Variants in KIAA0232 observed in about 807,000 individuals in gnomAD.
The protein encoded by KIAA0232 is KIAA0232, also known as uncharacterized protein KIAA0232.
KIAA0232 carries 27 observed loss-of-function variants against 122.0 expected under a neutral mutation model. That is an observed-to-expected ratio of 0.22 (90% CI 0.16 to 0.31). The LOEUF is 0.31. KIAA0232 is among the 10% of genes least tolerant of loss of function. The pLI is 1.00. For synonymous variants in KIAA0232, 613 were observed against 587.6 expected (o/e 1.04, Z -0.63); for missense variants, 1,551 against 1,634.2 (o/e 0.95, Z 0.88).
intron 7 of KIAA0232, among the ~76,000 whole-genome samples, chr4:6,869,156 T>G (rs577196051): frequency 6.6e-6 from 1 of 152,278 alleles, no homozygotes; most frequent in African/African-American, 2.4e-5. Flanking sequence ...GCTCCCAGGT[T>G]CCTGGCCCCT....
At chr4:6,818,742 G>C (rs1189809743) in intron 2 of KIAA0232, among the ~76,000 whole-genome samples, 2 of 151,630 alleles carry the variant, frequency 1.3e-5, no homozygotes, top group African/African-American at 4.8e-5. Context: ...AATTCGTGTG[G>C]AACCAAAAAA....
chr4:6,786,769 C>G (rs988405351), intron 1 of KIAA0232, among the ~76,000 whole-genome samples: 1 of 152,190 alleles, frequency 6.6e-6, no homozygotes, highest in African/African-American at 2.4e-5. Flanking sequence ...AAACTGTCAT[C>G]TTTCCCATTT....
chr4:6,783,444 G>A (rs1365418713), intron 1 of KIAA0232, among the ~76,000 whole-genome samples: 1 of 152,204 alleles, frequency 6.6e-6, no homozygotes, highest in East Asian at 1.9e-4. Context: ...TTGATAGGAC[G>A]TAGAGCCCCG....
At chr4:6,860,349 G>C (rs1236287075) in intron 6 of KIAA0232, among the ~76,000 whole-genome samples, 1 of 152,192 alleles carries the variant, frequency 6.6e-6, no homozygotes, top group African/African-American at 2.4e-5. Context: ...GGCAGAGCCA[G>C]GATTTGACCT....
At chr4:6,866,908 T>G (rs1435539208) in intron 7 of KIAA0232, among the ~76,000 whole-genome samples, 1 of 152,212 alleles carries the variant, frequency 6.6e-6, no homozygotes, top group Admixed American at 6.5e-5. Flanking sequence ...TTTATTCATA[T>G]GGTTCAAATT....
At chr4:6,816,312 T>G (rs1330889497) in intron 2 of KIAA0232, among the ~76,000 whole-genome samples, 2 of 149,882 alleles carry the variant, frequency 1.3e-5, no homozygotes, top group Non-Finnish European at 3.0e-5. Context: ...AGACGGAGCC[T>G]CGCTCTGTTG....
intron 3 of KIAA0232, among the ~76,000 whole-genome samples, chr4:6,829,594 G>A (rs1718864392): frequency 6.6e-6 from 1 of 152,216 alleles, no homozygotes; most frequent in Non-Finnish European, 1.5e-5. Flanking sequence ...CAGTCTGCAA[G>A]CCAAACCTCG....
At chr4:6,825,414 G>A (rs773359923) in intron 3 of KIAA0232, among the ~76,000 whole-genome samples, 47 of 152,192 alleles carry the variant, frequency 3.1e-4, no homozygotes, top group Non-Finnish European at 5.9e-4. Flanking sequence ...GCCAGGCATG[G>A]TAGCATGTGC....
chr4:6,819,387 A>T (rs773390219), intron 2 of KIAA0232, among the ~76,000 whole-genome samples: 10 of 152,120 alleles, frequency 6.6e-5, no homozygotes, highest in African/African-American at 1.4e-4. Flanking sequence ...TCCAGAATCT[A>T]TTGGAAACTT....
intron 3 of KIAA0232, 59 bp from the exon 4 acceptor site, chr4:6,842,008 G>A (rs1719689472): frequency 1.9e-6 from 3 of 1,584,828 alleles, no homozygotes; most frequent in South Asian, 2.3e-5. Context: ...TGTGGTAGGT[G>A]GAACATAGTA....
chr4:6,788,967 C>CTTTTTTT (rs71646657), intron 1 of KIAA0232, among the ~76,000 whole-genome samples: 1 of 149,692 alleles, frequency 6.7e-6, no homozygotes. Flanking sequence ...CATTTTCTTT[C>CTTTTTTT]TTTTTTTTTT....
At chr4:6,785,421 T>C (rs1234338468) in intron 1 of KIAA0232, among the ~76,000 whole-genome samples, 1 of 152,208 alleles carries the variant, frequency 6.6e-6, no homozygotes, top group Non-Finnish European at 1.5e-5. Flanking sequence ...GACTTGGCAG[T>C]TAATGGCTTG....
At chr4:6,784,589 A>G (rs1175731923) in intron 1 of KIAA0232, among the ~76,000 whole-genome samples, 3 of 152,316 alleles carry the variant, frequency 2.0e-5, no homozygotes, top group Middle Eastern at 3.4e-3. Flanking sequence ...GTGCCTTTGC[A>G]TATCTATAGA....
intron 2 of KIAA0232, among the ~76,000 whole-genome samples, chr4:6,809,635 A>G (rs1255510714): frequency 1.8e-5 from 1 of 54,888 alleles, no homozygotes; most frequent in Non-Finnish European, 5.1e-5. Context: ...GAGGAGGTCA[A>G]ATTATATCCC....
At position 6,861,424 on chromosome 4, in the gene KIAA0232, A is replaced by G. The variant is rs370100944; in HGVS notation, c.1042A>G (p.Thr348Ala). Reference sequence around the variant, plus strand: ...TGAAAAGGCTGAAAGGAACATTCATACTGGAAGTAGTAGCAGTAGCAGCAG... The same window carrying G: ...TGAAAAGGCTGAAAGGAACATTCATGCTGGAAGTAGTAGCAGTAGCAGCAG... ...HGEKAERNIH[T>A]GSSSSSSSGS... The change falls in exon 7 of 10, where the codon ACT (threonine) becomes GCT (alanine). Residue 348 changes from threonine (T) to alanine (A), a missense_variant. Around this residue, in one of 5 missense-constraint regions of KIAA0232, gnomAD observed 377 missense variants for 381.7 expected, o/e 0.99. Transcript: ENST00000307659. 5.6e-6 allele frequency: 9 copies of G among 1,614,252 alleles called. No homozygotes were observed. The Admixed American group carries it at 1.3e-4, about 24-fold the overall frequency.
chr4:6,882,147 C>T lies in KIAA0232; in HGVS notation c.*1181C>T, dbSNP rs1368492621. ...TGTGCATGGCGATCCGCTCCTCCGGCTCTCATGGCATTGTGCCACAGGCAG... is the reference window on the plus strand; with the variant it reads ...TGTGCATGGCGATCCGCTCCTCCGGTTCTCATGGCATTGTGCCACAGGCAG... On this transcript the variant is annotated 3_prime_UTR_variant, in exon 10 of 10. Transcript: ENST00000307659. 6.6e-6 allele frequency: 1 copy of T among 152,334 alleles called. No homozygotes were observed. The highest frequency in any genetic ancestry group is 1.5e-5 in the Non-Finnish European group (1 of 68,044). 9.4% of individuals were successfully genotyped at this position (152,334 alleles called of 1,614,324 possible). A position where few individuals can be genotyped will look rare whatever the true frequency, so the allele number is the denominator to read the frequency against.
intron 2 of KIAA0232, among the ~76,000 whole-genome samples, chr4:6,817,361 C>T (rs538323996): frequency 5.7e-4 from 87 of 152,232 alleles, no homozygotes; most frequent in African/African-American, 2.0e-3. Flanking sequence ...GGACTACAAG[C>T]GTCCGCCACC....
chr4:6,831,881 T>C (rs1719003482), intron 3 of KIAA0232, among the ~76,000 whole-genome samples: 1 of 152,238 alleles, frequency 6.6e-6, no homozygotes, highest in Admixed American at 6.5e-5. Flanking sequence ...CACCTTTTTC[T>C]CAGCCTCTTG....
intron 2 of KIAA0232, among the ~76,000 whole-genome samples, chr4:6,810,313 A>G (rs1453720266): frequency 6.6e-6 from 1 of 152,232 alleles, no homozygotes; most frequent in African/African-American, 2.4e-5. Flanking sequence ...GCTACCAACA[A>G]CATACATCAG....
Sources: allele counts gnomAD v4.1 joint callset (sites outside exome capture counted in the v4.1 genomes callset), GRCh38; gene constraint gnomAD v4.1.1; regional missense constraint gnomAD v4.1.1; transcripts MANE v1.5; gene names NCBI Gene and HGNC (gene_info 2026-07-23, HGNC 2026-07-21).